PPM1B: variants seen among roughly 807,000 people sequenced by gnomAD.
PPM1B encodes protein phosphatase 1B.
Under a neutral mutation model 43.0 loss-of-function variants are expected in PPM1B, and 22 were observed. That is an observed-to-expected ratio of 0.51 (90% CI 0.37 to 0.73). The LOEUF is 0.73. PPM1B is among the 30% of genes least tolerant of loss of function. The pLI, the probability that PPM1B is intolerant of heterozygous loss-of-function variation, is 0.00. For missense variants in PPM1B, 632 were observed against 584.2 expected (o/e 1.08, Z -0.84); for synonymous variants, 217 against 197.9 (o/e 1.10, Z -0.81).
intron 1 of PPM1B, among the ~76,000 whole-genome samples, chr2:44,194,280 T>C (rs1668548872): frequency 6.6e-6 from 1 of 152,210 alleles, no homozygotes; most frequent in African/African-American, 2.4e-5. Flanking sequence ...TAGGCCTCGC[T>C]GTGGGATGAT....
At chr2:44,188,393 CTTTTTTTTTTT>C (rs67959948) in intron 1 of PPM1B, among the ~76,000 whole-genome samples, 1 of 92,316 alleles carries the variant, frequency 1.1e-5, no homozygotes, top group Non-Finnish European at 2.1e-5. Flanking sequence ...TTCTTTCTTT[CTTTTTTTTTTT>C]TTTTTTTTTG....
chr2:44,206,571 C>T (rs1051880970), intron 2 of PPM1B, among the ~76,000 whole-genome samples: 2 of 152,066 alleles, frequency 1.3e-5, no homozygotes, highest in Non-Finnish European at 2.9e-5. Flanking sequence ...TTACAAAAAT[C>T]GAATGGAAAT....
chr2:44,187,091 C>T (rs1025434537), intron 1 of PPM1B, among the ~76,000 whole-genome samples: 1 of 152,198 alleles, frequency 6.6e-6, no homozygotes, highest in Non-Finnish European at 1.5e-5. Context: ...TCCCCTTTCC[C>T]CTTCTACCTC....
chr2:44,223,296 T>G (rs9973609), intron 5 of PPM1B, among the ~76,000 whole-genome samples: 2 of 152,024 alleles, frequency 1.3e-5, no homozygotes, highest in Non-Finnish European at 2.9e-5. Context: ...AAAAACAGGA[T>G]AGATTAGTCT....
At chr2:44,174,252 T>A (rs142512724) in intron 1 of PPM1B, among the ~76,000 whole-genome samples, 30 of 152,352 alleles carry the variant, frequency 2.0e-4, no homozygotes, top group African/African-American at 6.7e-4. Context: ...AACATAACAC[T>A]TCTTGGAAAA....
At position 44,218,480 on chromosome 2, in the gene PPM1B, G is replaced by A. The variant is rs778793382; in HGVS notation, c.1077G>A (p.Lys359=). 21 of 1,573,894 alleles carry A rather than the reference G, an allele frequency of 1.3e-5. No homozygotes were observed. Among genetic ancestry groups the A allele is most frequent in the Admixed American group, 2.0e-5 (1 of 49,998 alleles). Residue 359 remains lysine (K), a splice_region_variant and synonymous_variant, in exon 5 of 6, where the codon AAG becomes AAA. Coordinates refer to ENST00000282412, the MANE Select transcript of PPM1B (RefSeq NM_002706.6). The part of the protein sequence containing the change: ...NLPPGGGLAG[K]RNVIEAVYSR... ...ACTAAAGCATGTTTTTTTTTTTTAG[G>A]CGTAATGTTATTGAAGCTGTTTATA...
intron 1 of PPM1B, among the ~76,000 whole-genome samples, chr2:44,181,371 AT>A (rs1276052481): frequency 6.6e-6 from 1 of 152,074 alleles, no homozygotes; most frequent in Non-Finnish European, 1.5e-5. Flanking sequence ...GGCATGACAA[AT>A]TAGAGAAGGT....
Position 44,201,091 on chromosome 2 carries a change from A to C in PPM1B, c.-14-95A>C, listed in dbSNP as rs1668910958. 1 of 1,284,170 alleles carries C rather than the reference A, an allele frequency of 7.8e-7. No individual in the cohort carries two copies. The highest frequency in any genetic ancestry group is 1.1e-6 in the Non-Finnish European group (1 of 950,352). 79.5% of individuals were successfully genotyped at this position (1,284,170 alleles called of 1,614,324 possible). ...GTAAATTAGGATAATACTAAAAAAA[A>C]TACTTGAGGTAGGAGTTACTAGACT... On this transcript the variant is annotated intron_variant, in intron 1 of 5. Coordinates refer to ENST00000282412, the MANE Select transcript of PPM1B (RefSeq NM_002706.6). This position sits in a 1 kb window ranked among gnomAD's most constrained non-coding sequence, Gnocchi z 5.4.
chr2:44,227,055 T>C (rs1670251333), intron 5 of PPM1B, among the ~76,000 whole-genome samples: 3 of 151,910 alleles, frequency 2.0e-5, no homozygotes, highest in Admixed American at 2.0e-4. Flanking sequence ...CTTACTGTAA[T>C]CTCAACCTCC....
downstream of PPM1B, among the ~76,000 whole-genome samples, chr2:44,244,844 C>G (rs1252111843): frequency 8.1e-6 from 1 of 123,550 alleles, no homozygotes; most frequent in Non-Finnish European, 1.7e-5. Context: ...TATATACACA[C>G]ACACACACAT....
downstream of PPM1B, chr2:44,232,834 A>G: frequency 1.0e-5 from 10 of 972,842 alleles, no homozygotes; most frequent in African/African-American, 1.8e-5. Flanking sequence ...CAATTTCTAT[A>G]GGATATGTAT....
chr2:44,201,398 G>C lies in PPM1B; in HGVS notation c.199G>C (p.Val67Leu). The C allele has an allele frequency of 6.2e-7, 1 of 1,614,128 alleles. No homozygotes were observed. The highest frequency in any genetic ancestry group is 8.5e-7 in the Non-Finnish European group (1 of 1,180,004). ...TTATGATGGTCATGCTGGATCCCGA[G>C]TGGCAAATTACTGCTCAACACATTT... ...AVYDGHAGSR[V>L]ANYCSTHLLE... Residue 67 changes from valine (V) to leucine (L), a missense_variant, in exon 2 of 6, where the codon GTG becomes CTG. Val to Leu is a conservative substitution (Grantham distance 32). Transcript: ENST00000282412. The surrounding 1 kb of genome is among the most constrained non-coding windows in gnomAD (Gnocchi z 5.4).
At chr2:44,232,323 G>C (rs1253896283), downstream of PPM1B, 24 of 1,606,024 alleles carry the variant, frequency 1.5e-5, no homozygotes, top group Non-Finnish European at 2.0e-5. Flanking sequence ...TAGGGTGCTG[G>C]AGATCTAGAA....
chr2:44,244,197 TA>T, intron 5 of PPM1B: 1 of 1,129,848 alleles, frequency 8.9e-7, no homozygotes, highest in South Asian at 1.7e-5. Context: ...CATATATATA[TA>T]TATATTTCAA....
At chr2:44,197,630 A>T (rs1204445349) in intron 1 of PPM1B, among the ~76,000 whole-genome samples, 1 of 152,162 alleles carries the variant, frequency 6.6e-6, no homozygotes, top group Non-Finnish European at 1.5e-5. Flanking sequence ...ATTTTTTAAA[A>T]GGAAGAAAAA....
At chr2:44,217,038 G>C (rs571030860) in intron 3 of PPM1B, among the ~76,000 whole-genome samples, 2 of 151,952 alleles carry the variant, frequency 1.3e-5, no homozygotes, top group African/African-American at 4.8e-5. Context: ...GAGGGAGGCG[G>C]GCAGAGTTGA....
At chr2:44,228,960 A>G (rs1328049155) in intron 5 of PPM1B, among the ~76,000 whole-genome samples, 1 of 152,158 alleles carries the variant, frequency 6.6e-6, no homozygotes, top group Non-Finnish European at 1.5e-5. Context: ...ATGCAGGCAG[A>G]TCACCTGAGG....
At chr2:44,192,762 C>T (rs1231948725) in intron 1 of PPM1B, among the ~76,000 whole-genome samples, 2 of 152,200 alleles carry the variant, frequency 1.3e-5, no homozygotes, top group African/African-American at 4.8e-5. Flanking sequence ...ATTCTACTCT[C>T]TGCTTCTATG....
chr2:44,189,697 T>A (rs1668312563), intron 1 of PPM1B, among the ~76,000 whole-genome samples: 1 of 152,164 alleles, frequency 6.6e-6, no homozygotes, highest in Admixed American at 6.5e-5. Context: ...ACTCCTGACC[T>A]CAGTTTATCC....
Sources: allele counts gnomAD v4.1 joint callset (sites outside exome capture counted in the v4.1 genomes callset), GRCh38; gene constraint gnomAD v4.1.1; non-coding constraint Gnocchi (gnomAD v3.1); transcripts MANE v1.5; gene names NCBI Gene and HGNC (gene_info 2026-07-23, HGNC 2026-07-21).